SHISA6: variants seen among roughly 807,000 people sequenced by gnomAD.
SHISA6 encodes protein shisa-6.
A neutral mutation model predicts 47.9 loss-of-function variants in SHISA6; 22 were observed. The observed-to-expected ratio is 0.46, with a 90% CI of 0.33 to 0.66. SHISA6 has a LOEUF of 0.66. Ranked by LOEUF, SHISA6 falls within the 30% of genes least tolerant of loss-of-function variation. The pLI, the probability that SHISA6 is intolerant of heterozygous loss-of-function variation, is 0.02. For missense variants in SHISA6, 680 were observed against 764.6 expected, an observed-to-expected ratio of 0.89 and a Z score of 1.30; for synonymous variants, 388 against 337.8, an observed-to-expected ratio of 1.15 and a Z score of -1.63.
intron 2 of SHISA6, among the ~76,000 whole-genome samples, chr17:11,319,396 G>A (rs1910636148): frequency 6.6e-6 from 1 of 152,106 alleles, no homozygotes; most frequent in Non-Finnish European, 1.5e-5. Flanking sequence ...TTATTAATAA[G>A]AGGGTATGGT....
At chr17:11,526,809 C>T (rs902446082) in intron 3 of SHISA6, among the ~76,000 whole-genome samples, 9 of 148,212 alleles carry the variant, frequency 6.1e-5, no homozygotes, top group African/African-American at 2.0e-4. Flanking sequence ...ATTTTGTATT[C>T]ATACATATAC....
chr17:11,366,732 G>A (rs1391856025), intron 2 of SHISA6, among the ~76,000 whole-genome samples: 2 of 152,140 alleles, frequency 1.3e-5, no homozygotes, highest in Admixed American at 6.5e-5. Flanking sequence ...TGATAGGGAG[G>A]AGAAGATGAA....
chr17:11,251,407 C>T (rs1597421786), intron 1 of SHISA6, among the ~76,000 whole-genome samples: 3 of 151,516 alleles, frequency 2.0e-5, no homozygotes, highest in African/African-American at 7.3e-5. Context: ...AAACAAAACA[C>T]CCTGATTTTA....
At position 11,331,128 on chromosome 17, in the gene SHISA6, C is replaced by T. The variant is rs113635004; in HGVS notation, c.800-48286C>T. Among the ~76,000 whole-genome samples the T allele has an allele frequency of 8.4e-4, 128 of 152,298 alleles. 2 individuals carry two copies. The South Asian group carries it at 0.024, about 29-fold the overall frequency. On this transcript the variant is annotated intron_variant, in intron 2 of 5. Coordinates refer to ENST00000441885, the MANE Select transcript of SHISA6 (RefSeq NM_207386.4). ...TGCGCAGTAACTCTCCCAGGGTGATCGGCCTCTCCACGGGATGTGGAGGCG... is the reference window on the plus strand; with the variant it reads ...TGCGCAGTAACTCTCCCAGGGTGATTGGCCTCTCCACGGGATGTGGAGGCG...
At chr17:11,324,493 A>G (rs901635824) in intron 2 of SHISA6, among the ~76,000 whole-genome samples, 9 of 152,152 alleles carry the variant, frequency 5.9e-5, no homozygotes, top group African/African-American at 2.2e-4. Flanking sequence ...TGGGAAATGA[A>G]CCAATAGCTT....
At chr17:11,358,484 C>CGAGTA (rs1219032738) in intron 2 of SHISA6, among the ~76,000 whole-genome samples, 1 of 151,618 alleles carries the variant, frequency 6.6e-6, no homozygotes, top group Non-Finnish European at 1.5e-5. Flanking sequence ...CTCAGCCTCC[C>CGAGTA]GAGTAGCTGG....
intron 3 of SHISA6, among the ~76,000 whole-genome samples, chr17:11,493,146 T>C (rs951148313): frequency 9.2e-5 from 14 of 152,202 alleles, no homozygotes; most frequent in African/African-American, 2.9e-4. Flanking sequence ...CTCATTTATA[T>C]AGCAGGACCA....
chr17:11,526,467 C>T (rs950253455), intron 3 of SHISA6, among the ~76,000 whole-genome samples: 1 of 152,104 alleles, frequency 6.6e-6, no homozygotes, highest in African/African-American at 2.4e-5. Flanking sequence ...ACAGGTGGTC[C>T]CCAGAGCATC....
intron 3 of SHISA6, among the ~76,000 whole-genome samples, chr17:11,438,101 G>C (rs750643042): frequency 6.6e-6 from 1 of 152,142 alleles, no homozygotes; most frequent in Non-Finnish European, 1.5e-5. Flanking sequence ...CCAGCACTTT[G>C]CATTGCCCAT....
intron 1 of SHISA6, among the ~76,000 whole-genome samples, chr17:11,255,817 T>G (rs539568018): frequency 7.2e-5 from 11 of 152,324 alleles, no homozygotes; most frequent in African/African-American, 2.2e-4. Context: ...CCTATGCTTT[T>G]GTTGTGGTCC....
chr17:11,257,540 A>G (rs888425618), intron 1 of SHISA6, among the ~76,000 whole-genome samples: 1 of 152,008 alleles, frequency 6.6e-6, no homozygotes, highest in Non-Finnish European at 1.5e-5. Context: ...GCTTGCCTAT[A>G]GTATCAGCTA....
intron 2 of SHISA6, among the ~76,000 whole-genome samples, chr17:11,366,342 G>A (rs1912449500): frequency 6.6e-6 from 1 of 152,140 alleles, no homozygotes; most frequent in Admixed American, 6.5e-5. Flanking sequence ...GTTTCGCCTT[G>A]TTGCCCAGGC....
intron 4 of SHISA6, among the ~76,000 whole-genome samples, chr17:11,554,565 C>T (rs545978730): frequency 1.3e-5 from 2 of 152,264 alleles, no homozygotes; most frequent in South Asian, 2.1e-4. Context: ...CCTGCACATT[C>T]GACCGAAGTT....
chr17:11,274,380 C>T (rs746507704), intron 2 of SHISA6, among the ~76,000 whole-genome samples: 2 of 152,350 alleles, frequency 1.3e-5, no homozygotes, highest in South Asian at 4.1e-4. Flanking sequence ...GCAATTACCT[C>T]CATGAGTTGG....
chr17:11,467,743 A>C (rs564146941), intron 3 of SHISA6, among the ~76,000 whole-genome samples: 9 of 152,318 alleles, frequency 5.9e-5, no homozygotes, highest in African/African-American at 2.2e-4. Context: ...AAGGAAAACA[A>C]TATCCCTGTT....
intron 3 of SHISA6, among the ~76,000 whole-genome samples, chr17:11,444,665 G>A (rs1478635386): frequency 6.6e-6 from 1 of 152,146 alleles, no homozygotes; most frequent in Admixed American, 6.5e-5. Flanking sequence ...TAGCTGGATG[G>A]AGCTCCTTCT....
At chr17:11,385,825 G>T (rs1913173264) in intron 3 of SHISA6, among the ~76,000 whole-genome samples, 1 of 152,110 alleles carries the variant, frequency 6.6e-6, no homozygotes, top group South Asian at 2.1e-4. Flanking sequence ...GTGGTGTGCT[G>T]TCTTGGAAAT....
chr17:11,311,512 T>C (rs1447289996), intron 2 of SHISA6, among the ~76,000 whole-genome samples: 1 of 152,160 alleles, frequency 6.6e-6, no homozygotes, highest in Admixed American at 6.5e-5. Flanking sequence ...TTGGAATGCT[T>C]ACCTCTTTTT....
At chr17:11,421,157 A>C (rs1381418948) in intron 3 of SHISA6, among the ~76,000 whole-genome samples, 1 of 152,002 alleles carries the variant, frequency 6.6e-6, no homozygotes, top group African/African-American at 2.4e-5. Context: ...GCGTTCCTCT[A>C]CCTCTCATAT....
Sources: gnomAD v4.1 joint callset for allele counts (sites outside exome capture counted in the v4.1 genomes callset) on GRCh38, gnomAD v4.1.1 for gene constraint, MANE v1.5 for transcripts, NCBI Gene and HGNC (gene_info 2026-07-23, HGNC 2026-07-21) for gene names.